Variants in GABPB1 observed in about 807,000 individuals in gnomAD.
The protein encoded by GABPB1 is GA-binding protein subunit beta-1.
Under a neutral mutation model 45.9 loss-of-function variants are expected in GABPB1, and 15 were observed. The observed-to-expected ratio is 0.33, with a 90% CI of 0.22 to 0.50. GABPB1 has a LOEUF of 0.50. GABPB1 is among the 20% of genes least tolerant of loss of function. The probability of loss-of-function intolerance (pLI) is 0.98; values close to 1 mark genes in which losing one functional copy is unlikely to be tolerated. For synonymous variants in GABPB1, 143 were observed against 154.4 expected (o/e 0.93, Z 0.55); for missense variants, 252 against 457.5 (o/e 0.55, Z 4.10).
intron 1 of GABPB1, among the ~76,000 whole-genome samples, chr15:50,311,648 G>A (rs565958192): frequency 8.4e-5 from 7 of 83,408 alleles, no homozygotes; most frequent in South Asian, 6.2e-4. Context: ...ACCCAAAATC[G>A]GAAACATTAT....
chr15:50,354,664 G>A (rs2049019680), intron 1 of GABPB1: 1 of 426,182 alleles, frequency 2.3e-6, no homozygotes, highest in Non-Finnish European at 4.7e-6. Context: ...CTCGGGACCG[G>A]CAAGCCGGGT....
intron 6 of GABPB1, among the ~76,000 whole-genome samples, chr15:50,290,012 TC>T (rs2046297092): frequency 2.0e-5 from 3 of 152,044 alleles, no homozygotes; most frequent in Admixed American, 1.3e-4. Flanking sequence ...CAAGCAAGCC[TC>T]CTGCCTTGAC....
At position 50,300,896 on chromosome 15, in the gene GABPB1, G is replaced by A. The variant is rs747147446; in HGVS notation, c.590C>T (p.Thr197Met). The A allele has an allele frequency of 1.4e-5, 22 of 1,577,386 alleles. 1 individual carries two copies. Among genetic ancestry groups the A allele is most frequent in the East Asian group, 4.5e-5 (2 of 44,698 alleles). The change falls in exon 6 of 9, where the codon ACG (threonine) becomes ATG (methionine). Residue 197 changes from threonine (T) to methionine (M), a missense_variant. This residue lies in a region of GABPB1 where 193 missense variants were observed against 259.9 expected (regional missense o/e 0.74). Transcript: ENST00000380877. The part of the protein sequence containing the change: ...PGGVVNLTDE[T>M]GVSAVQFGNS... ...TCCAAACTGAACAGCAGATACACCC[G>A]TTTCATCTGTAAGAAAAAAGAAAAT...
intron 6 of GABPB1, among the ~76,000 whole-genome samples, chr15:50,297,345 TGGGATTACAG>T (rs1484838339): frequency 1.3e-5 from 2 of 151,930 alleles, no homozygotes; most frequent in Non-Finnish European, 2.9e-5. Context: ...CCCCAGTAGC[TGGGATTACAG>T]GGGCACACCA....
At chr15:50,342,993 G>A (rs1287421260) in intron 1 of GABPB1, among the ~76,000 whole-genome samples, 2 of 151,834 alleles carry the variant, frequency 1.3e-5, no homozygotes, top group East Asian at 1.9e-4. Context: ...TCCGCCTCCC[G>A]GGTTCACGCC....
intron 6 of GABPB1, among the ~76,000 whole-genome samples, chr15:50,290,210 G>C (rs1373377048): frequency 1.3e-5 from 2 of 152,152 alleles, no homozygotes; most frequent in Non-Finnish European, 2.9e-5. Context: ...CTTTACATGT[G>C]AGTGGTTAAA....
chr15:50,334,426 A>G (rs1022439362), intron 1 of GABPB1, among the ~76,000 whole-genome samples: 5 of 148,916 alleles, frequency 3.4e-5, no homozygotes, highest in Non-Finnish European at 7.4e-5. Context: ...CAGTTTGATA[A>G]TTTTTCTGAT....
At chr15:50,307,635 G>A (rs1413577208) in intron 2 of GABPB1, among the ~76,000 whole-genome samples, 1 of 150,772 alleles carries the variant, frequency 6.6e-6, no homozygotes, top group African/African-American at 2.4e-5. Flanking sequence ...CCGGCAGGCG[G>A]AGGTTGCAGT....
In GABPB1 at chr15:50,300,334, C is replaced by T. The variant is rs1031977421; in HGVS notation, c.697+455G>A. On this transcript the variant is annotated intron_variant, in intron 6 of 8. Transcript: ENST00000380877. The stretch of plus-strand genomic sequence containing the variant: ...AGTTGAGTCACAGATGCCTCCCTGC[C>T]CTTGCCCCATTCTTCAGCCGGGTGT... 2.6e-5 allele frequency among the ~76,000 whole-genome samples: 4 copies of T among 151,936 alleles called. No individual in the cohort carries two copies. The South Asian group carries it at 8.3e-4, about 31-fold the overall frequency.
Position 50,303,962 on chromosome 15 carries a change from A to T in GABPB1, c.276+4T>A. The T allele has an allele frequency of 1.3e-6, 2 of 1,589,456 alleles. No individual in the cohort carries two copies. The highest frequency in any genetic ancestry group is 1.7e-6 in the Non-Finnish European group (2 of 1,170,968). On this transcript the variant is annotated splice_donor_region_variant and intron_variant, in intron 3 of 8. Coordinates refer to ENST00000380877, the MANE Select transcript of GABPB1 (RefSeq NM_016654.5). ...AAAGCAAAGTGCAAAAAGAGAACAC[A>T]TACCTTAAGTAAAACCTCTACTATG...
chr15:50,314,020 T>C (rs1288895338), intron 1 of GABPB1, among the ~76,000 whole-genome samples: 1 of 152,174 alleles, frequency 6.6e-6, no homozygotes, highest in Non-Finnish European at 1.5e-5. Flanking sequence ...CTTACATGAA[T>C]TATAATAAAA....
chr15:50,328,050 C>A (rs866210548), intron 1 of GABPB1, among the ~76,000 whole-genome samples: 9 of 151,294 alleles, frequency 5.9e-5, no homozygotes, highest in South Asian at 4.2e-4. Context: ...TTCCAAATAA[C>A]CTAAGTGTCT....
intron 1 of GABPB1, chr15:50,350,133 G>A (rs147809136): frequency 6.6e-6 from 1 of 151,972 alleles, no homozygotes; most frequent in African/African-American, 2.4e-5. Context: ...CATTTAGGTT[G>A]TTTACAATTT....
chr15:50,299,380 C>T (rs914724360), intron 6 of GABPB1, among the ~76,000 whole-genome samples: 1 of 152,150 alleles, frequency 6.6e-6, no homozygotes, highest in Non-Finnish European at 1.5e-5. Flanking sequence ...TACTGTTTGT[C>T]ATCATTTAAC....
chr15:50,352,781 T>G (rs1230655499), intron 1 of GABPB1: 1 of 152,246 alleles, frequency 6.6e-6, no homozygotes, highest in Non-Finnish European at 1.5e-5. Context: ...GACTGACAGA[T>G]TCAGACTACA....
At chr15:50,305,678 C>T (rs2141036065) in intron 2 of GABPB1, among the ~76,000 whole-genome samples, 2 of 152,270 alleles carry the variant, frequency 1.3e-5, no homozygotes, top group South Asian at 4.1e-4. Context: ...ATTTAGCAAC[C>T]AGGAGCTTTG....
At chr15:50,325,594 C>T (rs544666242) in intron 1 of GABPB1, among the ~76,000 whole-genome samples, 113 of 152,088 alleles carry the variant, frequency 7.4e-4, no homozygotes, top group African/African-American at 2.7e-3. Flanking sequence ...TGCAGTGGCA[C>T]GATCTTGGCT....
chr15:50,340,013 C>A (rs533931382), intron 1 of GABPB1, among the ~76,000 whole-genome samples: 4 of 152,180 alleles, frequency 2.6e-5, no homozygotes, highest in Non-Finnish European at 5.9e-5. Context: ...GAAATCCTAA[C>A]CCCAAGGTGA....
At chr15:50,326,059 C>G (rs895246197) in intron 1 of GABPB1, among the ~76,000 whole-genome samples, 2 of 89,730 alleles carry the variant, frequency 2.2e-5, no homozygotes, top group African/African-American at 4.4e-5. Flanking sequence ...AGGCGCCCAC[C>G]ACCACGCCCA....
Sources: gnomAD v4.1 joint callset for allele counts (sites outside exome capture counted in the v4.1 genomes callset) on GRCh38, gnomAD v4.1.1 for gene constraint, gnomAD v4.1.1 regional missense constraint, MANE v1.5 for transcripts, NCBI Gene and HGNC (gene_info 2026-07-23, HGNC 2026-07-21) for gene names.